PHIP: variants seen among roughly 807,000 people sequenced by gnomAD.
The protein encoded by PHIP is PH-interacting protein.
A neutral mutation model predicts 236.8 loss-of-function variants in PHIP; 54 were observed. The observed-to-expected ratio is 0.23, with a 90% confidence interval of 0.18 to 0.29. The LOEUF (loss-of-function observed/expected upper bound fraction) is 0.29, where lower values mean the gene tolerates loss of function less well. PHIP is among the 10% of genes least tolerant of loss of function. The pLI is 1.00. For synonymous variants in PHIP, 756 were observed against 718.9 expected (o/e 1.05, Z -0.83); for missense variants, 1,370 against 2,190.8 (o/e 0.63, Z 7.48).
chr6:79,019,211 G>T, intron 9 of PHIP, 52 bp from the exon 10 acceptor site: 1 of 1,277,978 alleles, frequency 7.8e-7, no homozygotes, highest in Non-Finnish European at 1.1e-6. Context: ...ACCAGTAGCA[G>T]CAGAAATAAT....
chr6:79,067,325 T>C (rs914679957), intron 4 of PHIP, among the ~76,000 whole-genome samples: 2 of 152,234 alleles, frequency 1.3e-5, no homozygotes, highest in Non-Finnish European at 2.9e-5. Context: ...TCAGAGCTTT[T>C]TCAAACTTAT....
intron 24 of PHIP, among the ~76,000 whole-genome samples, chr6:78,977,855 T>C (rs970751000): frequency 2.0e-5 from 3 of 152,164 alleles, no homozygotes; most frequent in African/African-American, 7.2e-5. Context: ...ATTAAAAAGT[T>C]TTTGTTTTCT....
At chr6:79,071,811 G>T (rs1200215647) in intron 4 of PHIP, among the ~76,000 whole-genome samples, 1 of 152,038 alleles carries the variant, frequency 6.6e-6, no homozygotes, top group African/African-American at 2.4e-5. Context: ...TTACAATTCT[G>T]TAGTGACATG....
chr6:79,003,912 G>A, intron 15 of PHIP, 54 bp from the exon 16 acceptor site: 5 of 1,203,348 alleles, frequency 4.2e-6, no homozygotes, highest in Non-Finnish European at 5.9e-6. Context: ...GAAAAGAATT[G>A]GTCACTATTA....
At chr6:78,952,408 A>C (rs1013583409) in intron 35 of PHIP, among the ~76,000 whole-genome samples, 4 of 144,782 alleles carry the variant, frequency 2.8e-5, no homozygotes, top group African/African-American at 1.0e-4. Flanking sequence ...ACAGAGTGAG[A>C]CTCTGTCCCA....
Position 78,991,854 on chromosome 6 carries a change from T to A in PHIP, c.2202-869A>T, listed in dbSNP as rs76732140. Among the ~76,000 whole-genome samples, 514 of 120,114 alleles carry A rather than the reference T, an allele frequency of 4.3e-3. 2 individuals carry two copies. Among genetic ancestry groups the A allele is most frequent in the African/African-American group, 0.018 (449 of 24,962 alleles). 78.8% of individuals were successfully genotyped at this position (120,114 alleles called of 152,430 possible). A position where few individuals can be genotyped will look rare whatever the true frequency, so the allele number is the denominator to read the frequency against. ...TTGGATTTAATTTTTTTGTTCTTAA[T>A]TTTTTTTTTTTAAATTAAACTTTTT... is the stretch of plus-strand genomic sequence containing the variant. On this transcript the variant is annotated intron_variant, in intron 19 of 39. Transcript: ENST00000275034.
chr6:78,981,916 T>A (rs1249655114), intron 23 of PHIP, among the ~76,000 whole-genome samples: 1 of 151,948 alleles, frequency 6.6e-6, no homozygotes, highest in Non-Finnish European at 1.5e-5. Context: ...AAACAGCAGC[T>A]GTGGAATCCA....
rs565441953 is a variant in PHIP at position 79,043,826 on chromosome 6, A to G, written c.440-823T>C. On this transcript the variant is annotated intron_variant, in intron 6 of 39. Coordinates refer to ENST00000275034, the MANE Select transcript of PHIP (RefSeq NM_017934.7). ...TAACCTACAGATGATCTTCTAATACAGGCTTTTTTTTTTTTTTCTAACAGT... is the reference window on the plus strand; with the variant it reads ...TAACCTACAGATGATCTTCTAATACGGGCTTTTTTTTTTTTTTCTAACAGT... Among the ~76,000 whole-genome samples, 15 of 144,898 alleles carry G rather than the reference A, an allele frequency of 1.0e-4. No individual in the cohort carries two copies. The East Asian group carries it at 1.6e-3, about 15-fold the overall frequency.
intron 6 of PHIP, among the ~76,000 whole-genome samples, chr6:79,047,635 T>G (rs2063208736): frequency 6.6e-6 from 1 of 152,134 alleles, no homozygotes. Context: ...GTTACATTAT[T>G]AGAGAAACAT....
Position 79,017,387 on chromosome 6 carries a change from C to CTA in PHIP, c.1096-3_1096-2dup. The CTA allele has an allele frequency of 6.3e-7, 1 of 1,580,210 alleles. No individual in the cohort carries two copies. The highest frequency in any genetic ancestry group is 1.2e-5 in the South Asian group (1 of 86,362). ...AAAACTGGATACTGTCAACTTTGTC[C>CTA]TATATATAAACAAATAAACAAAAAA... is the stretch of plus-strand genomic sequence containing the variant. On this transcript the variant is annotated splice_acceptor_variant, in intron 11 of 39. Transcript: ENST00000275034. LOFTEE classifies it high-confidence loss of function.
rs139203192 is a variant in PHIP at position 79,075,634 on chromosome 6, GA to G, written c.189+1813del. On this transcript the variant is annotated intron_variant, in intron 4 of 39. Coordinates refer to ENST00000275034, the MANE Select transcript of PHIP (RefSeq NM_017934.7). Reference sequence around the variant, plus strand: ...TCAAAATTGATAGCTCATTTTTACTGAAAAAAAAAACAAAAAAACAAAATGA... The same window carrying G: ...TCAAAATTGATAGCTCATTTTTACTGAAAAAAAAACAAAAAAACAAAATGA... Among the ~76,000 whole-genome samples, 884 of 102,920 alleles carry G rather than the reference GA, an allele frequency of 8.6e-3. 4 individuals are homozygous for G. Among genetic ancestry groups the G allele is most frequent in the African/African-American group, 0.029 (775 of 26,966 alleles). The allele number at this position is 102,920 out of a possible 152,430, so 67.5% of individuals were successfully genotyped here. A position where few individuals can be genotyped will look rare whatever the true frequency, so the allele number is the denominator to read the frequency against.
At chr6:79,060,009 C>A (rs1773292627) in intron 6 of PHIP, among the ~76,000 whole-genome samples, 1 of 151,606 alleles carries the variant, frequency 6.6e-6, no homozygotes. Context: ...AAGGCAAGGG[C>A]CTGGTAGTAG....
chr6:79,036,836 G>A lies in PHIP; in HGVS notation c.600+6007C>T, dbSNP rs560492453. Among the ~76,000 whole-genome samples the A allele has an allele frequency of 1.1e-4, 16 of 145,250 alleles. No homozygotes were observed. In the East Asian group the frequency reaches 1.3e-3, roughly 12 times the overall value. On this transcript the variant is annotated intron_variant, in intron 7 of 39. Transcript: ENST00000275034. ...CTCGGGAGGCTGAGGCAGAAGAATG[G>A]CATGAACCTGGGAGGTGGAGCTTGC... is the stretch of plus-strand genomic sequence containing the variant.
At chr6:79,024,658 A>G (rs546398813) in intron 9 of PHIP, among the ~76,000 whole-genome samples, 15 of 152,118 alleles carry the variant, frequency 9.9e-5, no homozygotes, top group Non-Finnish European at 1.5e-4. Context: ...CAAAAAACTT[A>G]TACGGGAGTG....
intron 4 of PHIP, among the ~76,000 whole-genome samples, chr6:79,065,270 T>TA (rs1773568879): frequency 6.6e-6 from 1 of 152,204 alleles, no homozygotes. Flanking sequence ...AAGTCACCCC[T>TA]ACTTAAAACA....
At chr6:78,955,492 TTA>T in intron 33 of PHIP, 119 bp downstream of exon 33, 1 of 549,260 alleles carries the variant, frequency 1.8e-6, no homozygotes. Flanking sequence ...TTTTTTTTTT[TTA>T]AATTAACTAC....
At chr6:79,019,430 T>C (rs1324537254) in intron 9 of PHIP, among the ~76,000 whole-genome samples, 1 of 152,120 alleles carries the variant, frequency 6.6e-6, no homozygotes, top group Non-Finnish European at 1.5e-5. Context: ...CAGTTACTAG[T>C]TACACTTACT....
intron 22 of PHIP, among the ~76,000 whole-genome samples, chr6:78,984,360 C>T (rs963206138): frequency 6.6e-6 from 1 of 152,152 alleles, no homozygotes; most frequent in Non-Finnish European, 1.5e-5. Context: ...TTTATACTAG[C>T]TCCAGCCATG....
intron 24 of PHIP, among the ~76,000 whole-genome samples, chr6:78,972,555 A>C (rs1272499976): frequency 6.6e-6 from 1 of 152,236 alleles, no homozygotes; most frequent in Non-Finnish European, 1.5e-5. Context: ...TGAGAGAAGA[A>C]GGCTTCAGAC....
Sources: allele counts gnomAD v4.1 joint callset (sites outside exome capture counted in the v4.1 genomes callset), GRCh38; gene constraint gnomAD v4.1.1; transcripts MANE v1.5; gene names NCBI Gene and HGNC (gene_info 2026-07-23, HGNC 2026-07-21).